PPP1R13L: variants seen among roughly 807,000 people sequenced by gnomAD.
The protein encoded by PPP1R13L is relA-associated inhibitor.
PPP1R13L carries 50 observed loss-of-function variants against 80.9 expected under a neutral mutation model. The observed-to-expected ratio is 0.62, with a 90% CI of 0.49 to 0.78. The LOEUF is 0.78. Among genes scored for constraint, PPP1R13L ranks in the 30% least tolerant of loss-of-function variants. The pLI is 0.00. For missense variants in PPP1R13L, 1,200 were observed against 1,205.9 expected, an observed-to-expected ratio of 1.00 and a Z score of 0.07; for synonymous variants, 602 against 534.3, an observed-to-expected ratio of 1.13 and a Z score of -1.75.
intron 8 of PPP1R13L, among the ~76,000 whole-genome samples, chr19:45,391,242 A>T (rs1972967126): frequency 6.6e-6 from 1 of 150,768 alleles, no homozygotes; most frequent in South Asian, 2.1e-4. Flanking sequence ...GACACAAGAG[A>T]CACAGAGACA....
intron 1 of PPP1R13L, among the ~76,000 whole-genome samples, chr19:45,399,444 G>A (rs1973187269): frequency 6.7e-6 from 1 of 148,394 alleles, no homozygotes; most frequent in Non-Finnish European, 1.5e-5. Context: ...CTAACATGGT[G>A]AAACCCCGTC....
upstream of PPP1R13L, among the ~76,000 whole-genome samples, chr19:45,405,333 G>T (rs1013615252): frequency 4.6e-5 from 7 of 152,216 alleles, no homozygotes; most frequent in African/African-American, 1.4e-4. Context: ...GCTGGAGACT[G>T]ACTCCTGAGC....
Position 45,395,676 on chromosome 19 carries a change from G to A in PPP1R13L, c.1114C>T (p.Leu372Phe). The A allele has an allele frequency of 6.8e-7, 1 of 1,462,758 alleles. No individual in the cohort carries two copies. Among genetic ancestry groups the A allele is most frequent in the Non-Finnish European group, 9.0e-7 (1 of 1,116,540 alleles). The allele number at this position is 1,462,758 out of a possible 1,614,324, so 90.6% of individuals were successfully genotyped here. ...TTCTGCAGCTTGAAGATCATGCTGA[G>A]GGGGATGGGACGCTGGCGCGGGGCC... The part of the protein sequence containing the change: ...RGAPRQRPIP[L>F]SMIFKLQNAF... The change falls in exon 7 of 13, where the codon CTC (leucine) becomes TTC (phenylalanine). Residue 372 changes from leucine to phenylalanine, a missense_variant. Physicochemically the swap from Leu to Phe is conservative, Grantham distance 22. Around this residue, in one of 5 missense-constraint regions of PPP1R13L, gnomAD observed 764 missense variants for 714.5 expected, o/e 1.07. Coordinates refer to ENST00000360957, the MANE Select transcript of PPP1R13L (RefSeq NM_006663.4).
At position 45,396,271 on chromosome 19, in the gene PPP1R13L, G is replaced by T. The variant is rs370166791; in HGVS notation, c.812-12C>A. 5.6e-5 allele frequency: 91 copies of T among 1,612,836 alleles called. No homozygotes were observed. The highest frequency in any genetic ancestry group is 5.1e-4 in the South Asian group (46 of 91,052). Reference sequence around the variant, plus strand: ...GAAGACGTCCAGGCCTGCGGGGCGGGAATCATTAGGGTCTGTGGGGCTGCC... The same window carrying T: ...GAAGACGTCCAGGCCTGCGGGGCGGTAATCATTAGGGTCTGTGGGGCTGCC... On this transcript the variant is annotated splice_polypyrimidine_tract_variant and intron_variant, in intron 5 of 12. Coordinates refer to ENST00000360957, the MANE Select transcript of PPP1R13L (RefSeq NM_006663.4). The surrounding 1 kb of genome is among the most constrained non-coding windows in gnomAD (Gnocchi z 5.3).
At chr19:45,391,813 G>A (rs1057015803) in intron 8 of PPP1R13L, 67 bp downstream of exon 8, 17 of 1,248,012 alleles carry the variant, frequency 1.4e-5, no homozygotes, top group Admixed American at 2.8e-5. Context: ...TATATTTGGG[G>A]GGCTCTTTGC....
intron 8 of PPP1R13L, among the ~76,000 whole-genome samples, chr19:45,390,963 T>C (rs745968731): frequency 6.6e-6 from 1 of 152,026 alleles, no homozygotes; most frequent in African/African-American, 2.4e-5. Flanking sequence ...TTTGGGAGGC[T>C]GAGGCAGGTG....
rs141172012 is a variant in PPP1R13L at position 45,393,920 on chromosome 19, A to G, written c.1354+1516T>C. 2.0e-3 allele frequency among the ~76,000 whole-genome samples: 311 copies of G among 152,188 alleles called. 3 individuals are homozygous for G. The highest frequency in any genetic ancestry group is 7.1e-3 in the African/African-American group (296 of 41,536). ...AAAATAAATAAATAAATAAACCCCA[A>G]AACACACACACATACACATTATTTC... is the stretch of plus-strand genomic sequence containing the variant. On this transcript the variant is annotated intron_variant, in intron 7 of 12. Coordinates refer to ENST00000360957, the MANE Select transcript of PPP1R13L (RefSeq NM_006663.4).
rs777101661 is a variant in PPP1R13L, at chr19:45,396,833, G to A, written c.424C>T (p.Arg142Trp). ...CCTGCGCCATCGAAGGCGCGGGGCC[G>A]GGGCGAGGTCGCGCGGTCCAGGCTG... Reference protein sequence around the residue: ...YGSLDRATSPRPRAFDGAGSS... With the variant: ...YGSLDRATSPWPRAFDGAGSS... The change falls in exon 4 of 13, where the codon CGG (arginine) becomes TGG (tryptophan). Residue 142 changes from arginine (R) to tryptophan (W), a missense_variant. Arg to Trp is a moderately radical substitution (Grantham distance 101). Around this residue, in one of 5 missense-constraint regions of PPP1R13L, gnomAD observed 764 missense variants for 714.5 expected, o/e 1.07. Transcript: ENST00000360957. This position sits in a 1 kb window ranked among gnomAD's most constrained non-coding sequence, Gnocchi z 5.3. 6.7e-7 allele frequency: 1 copy of A among 1,491,422 alleles called. No homozygotes were observed. 92.4% of individuals were successfully genotyped at this position (1,491,422 alleles called of 1,614,324 possible).
chr19:45,396,861 G>A lies in PPP1R13L; in HGVS notation c.396C>T (p.Tyr132=), dbSNP rs755975084. The stretch of plus-strand genomic sequence containing the variant: ...GCGAGGTCGCGCGGTCCAGGCTGCC[G>A]TAGGCGTCCGGCTGCAGGTAGAGCG... The part of the protein sequence containing the change: ...RTPLYLQPDA[Y]GSLDRATSPR... The change falls in exon 4 of 13, where the codon TAC becomes TAT. Residue 132 remains tyrosine, a synonymous_variant. Transcript: ENST00000360957. This position sits in a 1 kb window ranked among gnomAD's most constrained non-coding sequence, Gnocchi z 5.3. 1 of 1,528,540 alleles carries A rather than the reference G, an allele frequency of 6.5e-7. No individual in the cohort carries two copies. Among genetic ancestry groups the A allele is most frequent in the African/African-American group, 1.4e-5 (1 of 70,160 alleles). 94.7% of individuals were successfully genotyped at this position (1,528,540 alleles called of 1,614,324 possible).
intron 1 of PPP1R13L, among the ~76,000 whole-genome samples, chr19:45,404,039 G>A (rs1487768272): frequency 6.6e-6 from 1 of 152,268 alleles, no homozygotes; most frequent in East Asian, 1.9e-4. Flanking sequence ...TGAGGCAGAA[G>A]GTTAGTCAGA....
chr19:45,391,588 G>A (rs1206823145), intron 8 of PPP1R13L, among the ~76,000 whole-genome samples: 1 of 152,162 alleles, frequency 6.6e-6, no homozygotes, highest in Non-Finnish European at 1.5e-5. Context: ...ACAGGAAAGG[G>A]CACTTTCTCT....
rs778315231 is a variant in PPP1R13L at position 45,379,903 on chromosome 19, C to T, written c.*287G>A. 4 of 317,564 alleles carry T rather than the reference C, an allele frequency of 1.3e-5. No individual in the cohort carries two copies. The highest frequency in any genetic ancestry group is 8.6e-5 in the African/African-American group (4 of 46,342). The allele number at this position is 317,564 out of a possible 1,614,324, so 19.7% of individuals were successfully genotyped here. On this transcript the variant is annotated 3_prime_UTR_variant, in exon 13 of 13. Coordinates refer to ENST00000360957, the MANE Select transcript of PPP1R13L (RefSeq NM_006663.4). ...TGGGGGATGTGATGATGGTGGTAGGCATGGGAGGCACTTTGGACGGGATCT... is the reference window on the plus strand; with the variant it reads ...TGGGGGATGTGATGATGGTGGTAGGTATGGGAGGCACTTTGGACGGGATCT...
intron 7 of PPP1R13L, among the ~76,000 whole-genome samples, chr19:45,393,798 G>A (rs1157159798): frequency 2.6e-5 from 4 of 151,978 alleles, no homozygotes; most frequent in Admixed American, 1.3e-4. Flanking sequence ...GCGTGAACCC[G>A]GGAGGCGGAG....
intron 3 of PPP1R13L, among the ~76,000 whole-genome samples, chr19:45,397,500 T>TTCTTTCTTTCTTTCTTTC (rs1973135639): frequency 6.9e-6 from 1 of 144,808 alleles, no homozygotes; most frequent in Admixed American, 7.2e-5. Flanking sequence ...CTTTCTTTCT[T>TTCTTTCTTTCTTTCTTTC]TCTTTCTTTC....
chr19:45,397,144 T>C, intron 3 of PPP1R13L, 86 bp from the exon 4 acceptor site: 1 of 1,081,098 alleles, frequency 9.2e-7, no homozygotes, highest in Non-Finnish European at 1.2e-6. Context: ...TCAAGAGAGA[T>C]CACTGGAGGT....
Position 45,396,587 on chromosome 19 carries a change from C to A in PPP1R13L, c.670G>T (p.Gly224Cys), listed in dbSNP as rs1385755174. 2.7e-6 allele frequency: 4 copies of A among 1,499,822 alleles called. No individual in the cohort carries two copies. Among genetic ancestry groups the A allele is most frequent in the African/African-American group, 2.8e-5 (2 of 71,744 alleles). The allele number at this position is 1,499,822 out of a possible 1,614,324, so 92.9% of individuals were successfully genotyped here. A position where few individuals can be genotyped will look rare whatever the true frequency, so the allele number is the denominator to read the frequency against. ...PASAFGSSLL[G>C]SGGSAFAPPL... ...GGGGCGAATGCGCTGCCGCCGGAGC[C>A]TAGCAGGGAGCTCCCGAAGGCGGAC... The change falls in exon 4 of 13, where the codon GGC becomes TGC. Residue 224 changes from glycine (G) to cysteine (C), a missense_variant. Coordinates refer to ENST00000360957, the MANE Select transcript of PPP1R13L (RefSeq NM_006663.4). The surrounding 1 kb of genome is among the most constrained non-coding windows in gnomAD (Gnocchi z 5.3).
chr19:45,388,926 C>T (rs1032999652), intron 8 of PPP1R13L, among the ~76,000 whole-genome samples: 2 of 151,678 alleles, frequency 1.3e-5, no homozygotes, highest in Middle Eastern at 3.2e-3. Context: ...TTAGCAGAGA[C>T]GGGGTTTCAC....
At chr19:45,382,117 G>T (rs1351781789) in intron 12 of PPP1R13L, among the ~76,000 whole-genome samples, 2 of 151,774 alleles carry the variant, frequency 1.3e-5, no homozygotes, top group African/African-American at 2.4e-5. Flanking sequence ...GGTGGTGGGC[G>T]CCTGTAATCC....
intron 11 of PPP1R13L, among the ~76,000 whole-genome samples, chr19:45,383,219 C>T (rs1189714197): frequency 2.0e-5 from 3 of 150,812 alleles, no homozygotes; most frequent in Non-Finnish European, 4.4e-5. Context: ...TGGTCTCGAT[C>T]TCCTGACCTT....
Sources: allele counts gnomAD v4.1 joint callset (sites outside exome capture counted in the v4.1 genomes callset), GRCh38; gene constraint gnomAD v4.1.1; regional missense constraint gnomAD v4.1.1; non-coding constraint Gnocchi (gnomAD v3.1); transcripts MANE v1.5; gene names NCBI Gene and HGNC (gene_info 2026-07-23, HGNC 2026-07-21).